HSP90AA1: variants seen among roughly 807,000 people sequenced by gnomAD.
The protein encoded by HSP90AA1 is heat shock protein HSP 90-alpha.
Under a neutral mutation model 73.3 loss-of-function variants are expected in HSP90AA1, and 18 were observed. That is an observed-to-expected ratio of 0.25 (90% CI 0.17 to 0.36). The LOEUF is 0.36. HSP90AA1 is among the 10% of genes least tolerant of loss of function. HSP90AA1 has a pLI of 1.00. For synonymous variants in HSP90AA1, 477 were observed against 296.9 expected (o/e 1.61, Z -6.24); for missense variants, 704 against 874.2 (o/e 0.81, Z 2.45).
chr14:102,093,483 CAA>C (rs567516713), intron 2 of HSP90AA1, among the ~76,000 whole-genome samples: 12,039 of 81,986 alleles, frequency 0.15, 771 homozygotes, highest in African/African-American at 0.28. Context: ...GACTCCGTCT[CAA>C]AAAAAAAAAA....
In HSP90AA1 at chr14:102,083,076, G is replaced by A. The variant is rs779114579; in HGVS notation, c.1713C>T (p.Leu571=). 3.1e-6 allele frequency: 5 copies of A among 1,613,704 alleles called. No individual in the cohort carries two copies. Among genetic ancestry groups the A allele is most frequent in the African/African-American group, 1.3e-5 (1 of 74,892 alleles). Residue 571 remains leucine, a synonymous_variant, in exon 9 of 11, where the codon CTC becomes CTT. Coordinates refer to ENST00000216281, the MANE Select transcript of HSP90AA1 (RefSeq NM_005348.4). ...QEEKKTKFEN[L]CKIMKDILEK... Reference sequence around the variant, plus strand: ...CCAATATGTCTTTCATGATTTTGCAGAGGTTCTCAAACTTTGTTTTTTTCT... The same window carrying A: ...CCAATATGTCTTTCATGATTTTGCAAAGGTTCTCAAACTTTGTTTTTTTCT...
At chr14:102,086,839 C>A (rs2049252394) in intron 1 of HSP90AA1, 147 bp downstream of exon 1, 3 of 310,574 alleles carry the variant, frequency 9.7e-6, no homozygotes, top group Non-Finnish European at 1.4e-5. Context: ...GTCCCGAGGC[C>A]TCCGGAATAG....
chr14:102,123,536 G>GT lies in HSP90AA1; in HGVS notation c.155+15713dup, dbSNP rs1299252339. On this transcript the variant is annotated intron_variant, in intron 1 of 11. Transcript: ENST00000334701. ...TTCAAGTAGTTTCTAAAACCTTGTG[G>GT]TTTTTTTTTTCTTTTTTTTTTAAGA... is the stretch of plus-strand genomic sequence containing the variant. 2.5e-3 allele frequency among the ~76,000 whole-genome samples: 378 copies of GT among 148,364 alleles called. 5 individuals carry two copies. In the East Asian group the frequency reaches 0.04, roughly 16 times the overall value.
intron 2 of HSP90AA1, among the ~76,000 whole-genome samples, chr14:102,095,303 G>C (rs989650497): frequency 2.0e-5 from 3 of 152,150 alleles, no homozygotes; most frequent in Non-Finnish European, 4.4e-5. Flanking sequence ...GCCTGTGAGA[G>C]GGTCCAGTCC....
intron 1 of HSP90AA1, among the ~76,000 whole-genome samples, chr14:102,134,514 G>A (rs151061643): frequency 0.029 from 4,411 of 152,120 alleles, 190 homozygotes; most frequent in African/African-American, 0.089. Flanking sequence ...TTAAGGTGGC[G>A]CGTCTGGAGT....
intron 2 of HSP90AA1, among the ~76,000 whole-genome samples, chr14:102,093,103 T>G (rs1485094416): frequency 6.6e-6 from 1 of 151,912 alleles, no homozygotes; most frequent in Non-Finnish European, 1.5e-5. Flanking sequence ...GAAGAAATGT[T>G]CAGGATCAAC....
At chr14:102,087,054 C>A (rs2049261516), upstream of HSP90AA1, 2 of 985,378 alleles carry the variant, frequency 2.0e-6, no homozygotes, top group Non-Finnish European at 2.4e-6. Flanking sequence ...TGACGCGCCA[C>A]CCCCGCGCCT....
At chr14:102,125,646 G>C (rs1158925412) in intron 1 of HSP90AA1, among the ~76,000 whole-genome samples, 1 of 151,654 alleles carries the variant, frequency 6.6e-6, no homozygotes, top group African/African-American at 2.4e-5. Flanking sequence ...ACCTAAGGCA[G>C]AGTTTAACCT....
intron 9 of HSP90AA1, 37 bp from the exon 10 acceptor site, chr14:102,082,481 A>T: frequency 6.7e-7 from 1 of 1,498,424 alleles, no homozygotes; most frequent in East Asian, 2.3e-5. Flanking sequence ...ACCTAGAAAG[A>T]TTAATTCCTA....
In HSP90AA1 at chr14:102,084,535, G is replaced by T; in HGVS notation, c.1011C>A (p.Phe337Leu). The change falls in exon 6 of 11, where the codon TTC (phenylalanine) becomes TTA (leucine). Residue 337 changes from phenylalanine (F) to leucine (L), a missense_variant. Transcript: ENST00000216281. ...KHFSVEGQLE[F>L]RALLFVPRRA... ...GTCGTGGGACAAATAGAAGGGCTCT[G>T]AATTCCAACTGTCCTTCAACTGAAA... 1 of 1,614,160 alleles carries T rather than the reference G, an allele frequency of 6.2e-7. No homozygotes were observed. Among genetic ancestry groups the T allele is most frequent in the Non-Finnish European group, 8.5e-7 (1 of 1,180,012 alleles).
At chr14:102,089,765 C>A (rs2049328639), upstream of HSP90AA1, among the ~76,000 whole-genome samples, 1 of 152,144 alleles carries the variant, frequency 6.6e-6, no homozygotes, top group African/African-American at 2.4e-5. Flanking sequence ...TAAAGAACCC[C>A]AAGCATCCCC....
chr14:102,083,486 CCA>C (rs1342276984), intron 8 of HSP90AA1, 58 bp downstream of exon 8: 8 of 1,540,312 alleles, frequency 5.2e-6, no homozygotes, highest in Non-Finnish European at 6.3e-6. Context: ...GAAAACACAC[CCA>C]CAGAGCCTAC....
intron 1 of HSP90AA1, among the ~76,000 whole-genome samples, chr14:102,134,139 A>G (rs2049946641): frequency 1.0e-5 from 1 of 99,990 alleles, no homozygotes; most frequent in Non-Finnish European, 2.1e-5. Flanking sequence ...CAACAGAGTG[A>G]GACCTGTCTC....
intron 2 of HSP90AA1, among the ~76,000 whole-genome samples, chr14:102,096,605 C>T (rs576801755): frequency 6.6e-6 from 1 of 152,332 alleles, no homozygotes; most frequent in South Asian, 2.1e-4. Flanking sequence ...AGCTCTTAGT[C>T]CCTGGTGTGA....
At chr14:102,138,895 C>A (rs1214702664) in intron 1 of HSP90AA1, among the ~76,000 whole-genome samples, 1 of 152,184 alleles carries the variant, frequency 6.6e-6, no homozygotes, top group Non-Finnish European at 1.5e-5. Context: ...ACATTACATG[C>A]ATACAACTAT....
In HSP90AA1 at chr14:102,085,824, T is replaced by C; in HGVS notation, c.463A>G (p.Asn155Asp). 6.2e-7 allele frequency: 1 copy of C among 1,613,978 alleles called. No homozygotes were observed. The highest frequency in any genetic ancestry group is 8.5e-7 in the Non-Finnish European group (1 of 1,179,874). Residue 155 changes from asparagine (N) to aspartate (D), a missense_variant, in exon 3 of 11, where the codon AAC becomes GAC. Asn to Asp is a conservative substitution (Grantham distance 23, BLOSUM62 1). Transcript: ENST00000216281. ...TCCCAAGCGTACTGCTCATCATCGT[T>C]ATGTTTGGTGATCACAGTTACTTTC... is the stretch of plus-strand genomic sequence containing the variant. ...AEKVTVITKH[N>D]DDEQYAWESS...
intron 1 of HSP90AA1, among the ~76,000 whole-genome samples, chr14:102,128,696 G>A (rs1281686102): frequency 6.6e-6 from 1 of 151,402 alleles, no homozygotes; most frequent in African/African-American, 2.4e-5. Flanking sequence ...CAGCTACTCA[G>A]GAAGCTGAGA....
chr14:102,138,010 T>TAAAAA (rs748502102), intron 1 of HSP90AA1, among the ~76,000 whole-genome samples: 1 of 137,222 alleles, frequency 7.3e-6, no homozygotes, highest in African/African-American at 2.7e-5. Flanking sequence ...AGACTCCATC[T>TAAAAA]AAGAAAAAAA....
At chr14:102,092,838 C>A (rs558176656) in intron 2 of HSP90AA1, among the ~76,000 whole-genome samples, 21 of 152,188 alleles carry the variant, frequency 1.4e-4, no homozygotes, top group African/African-American at 4.1e-4. Context: ...GCAGCCTCTG[C>A]CTCCTCAGTT....
Sources: gnomAD v4.1 joint callset for allele counts (sites outside exome capture counted in the v4.1 genomes callset) on GRCh38, gnomAD v4.1.1 for gene constraint, MANE v1.5 for transcripts, NCBI Gene and HGNC (gene_info 2026-07-23, HGNC 2026-07-21) for gene names.